FAM199X: variants seen among roughly 807,000 people sequenced by gnomAD.
The protein encoded by FAM199X is family with sequence similarity 199, X-linked, also known as protein FAM199X.
A neutral mutation model predicts 22.9 loss-of-function variants in FAM199X; 4 were observed. The ratio of observed to expected loss-of-function variants is 0.17; its 90% CI spans 0.09 to 0.40. The LOEUF (loss-of-function observed/expected upper bound fraction) is 0.40, where lower values mean the gene tolerates loss of function less well. FAM199X is among the 10% of genes least tolerant of loss of function. The pLI is 1.00. For missense variants in FAM199X, 183 were observed against 306.8 expected (o/e 0.60, Z 3.01); for synonymous variants, 101 against 112.3 (o/e 0.90, Z 0.64).
rs1922022469 is a variant in FAM199X, at chrX:104,194,943, T to C, written c.*5165T>C. The C allele has an allele frequency of 9.1e-6, 1 of 110,432 alleles. No individual in the cohort carries two copies. Among genetic ancestry groups the C allele is most frequent in the Non-Finnish European group, 1.9e-5 (1 of 52,791 alleles). 9.1% of individuals were successfully genotyped at this position (110,432 alleles called of 1,213,427 possible). On this transcript the variant is annotated 3_prime_UTR_variant, in exon 6 of 6. Transcript: ENST00000493442. ...CTATATTAATGCACTTTTGTATATA[T>C]AACTGTCTTCTGTACATTCTGTACT...
At chrX:104,168,534 G>C (rs2147888605) in intron 1 of FAM199X, among the ~76,000 whole-genome samples, 1 of 112,072 alleles carries the variant, frequency 8.9e-6, no homozygotes, top group East Asian at 2.8e-4. Flanking sequence ...TACATATTTG[G>C]CATTTAAGTT....
chrX:104,190,128 A>G lies in FAM199X; in HGVS notation c.*350A>G, dbSNP rs1176703398. ...GACTGTTTAAAGTTTATGGCGGTGA[A>G]GTGGGCGTCTTCAAAGACTAGTACT... On this transcript the variant is annotated 3_prime_UTR_variant, in exon 6 of 6. Coordinates refer to ENST00000493442, the MANE Select transcript of FAM199X (RefSeq NM_207318.4). 2 of 161,023 alleles carry G rather than the reference A, an allele frequency of 1.2e-5. No homozygotes were observed. Among genetic ancestry groups the G allele is most frequent in the African/African-American group, 6.2e-5 (2 of 32,175 alleles). 13.3% of individuals were successfully genotyped at this position (161,023 alleles called of 1,213,427 possible). A position where few individuals can be genotyped will look rare whatever the true frequency, so the allele number is the denominator to read the frequency against.
chrX:104,170,838 G>A (rs1336674646), intron 1 of FAM199X, among the ~76,000 whole-genome samples: 2 of 111,397 alleles, frequency 1.8e-5, no homozygotes, highest in Non-Finnish European at 3.8e-5. Context: ...GAGGAAAGTA[G>A]GGAACTTAAG....
the FAM199X span, among the ~76,000 whole-genome samples, chrX:104,161,439 G>T: frequency 8.9e-6 from 1 of 112,264 alleles, no homozygotes; most frequent in Non-Finnish European, 1.9e-5. Flanking sequence ...CAAAGGTTTG[G>T]TAAGAGCAAT....
intron 2 of FAM199X, among the ~76,000 whole-genome samples, chrX:104,185,591 A>G (rs1183215075): frequency 8.9e-6 from 1 of 111,734 alleles, no homozygotes; most frequent in Non-Finnish European, 1.9e-5. Flanking sequence ...CTCTGATTCT[A>G]TATTTGCCAT....
chrX:104,190,290 A>G lies in FAM199X; in HGVS notation c.*512A>G, dbSNP rs1450149392. The G allele has an allele frequency of 3.6e-5, 4 of 112,591 alleles. No individual in the cohort carries two copies. The highest frequency in any genetic ancestry group is 1.3e-4 in the African/African-American group (4 of 30,836). The allele number at this position is 112,591 out of a possible 1,213,427, so 9.3% of individuals were successfully genotyped here. On this transcript the variant is annotated 3_prime_UTR_variant, in exon 6 of 6. Transcript: ENST00000493442. Reference sequence around the variant, plus strand: ...TTTACTTTTCCTAAAGGGCCATAGCATAATTCTTGATTCCTGGTGGAAATC... The same window carrying G: ...TTTACTTTTCCTAAAGGGCCATAGCGTAATTCTTGATTCCTGGTGGAAATC...
chrX:104,181,162 A>G (rs1921642582), intron 2 of FAM199X, among the ~76,000 whole-genome samples: 1 of 112,822 alleles, frequency 8.9e-6, no homozygotes. Context: ...TGTTACAGAA[A>G]TGAGCTTACT....
rs1459368798 is a variant in FAM199X at position 104,190,385 on chromosome X, C to G, written c.*607C>G. Reference sequence around the variant, plus strand: ...GATAGTGCCTTCATTAGTTTTAGTTCTGTCTGTTTTCATTCATTATTGACT... The same window carrying G: ...GATAGTGCCTTCATTAGTTTTAGTTGTGTCTGTTTTCATTCATTATTGACT... On this transcript the variant is annotated 3_prime_UTR_variant, in exon 6 of 6. Transcript: ENST00000493442. The G allele has an allele frequency of 3.6e-5, 4 of 111,704 alleles. No individual in the cohort carries two copies. The highest frequency in any genetic ancestry group is 7.5e-5 in the Non-Finnish European group (4 of 53,217). The allele number at this position is 111,704 out of a possible 1,213,427, so 9.2% of individuals were successfully genotyped here. A position where few individuals can be genotyped will look rare whatever the true frequency, so the allele number is the denominator to read the frequency against.
chrX:104,180,968 A>G (rs1479742638), intron 2 of FAM199X, among the ~76,000 whole-genome samples: 8 of 112,355 alleles, frequency 7.1e-5, no homozygotes, highest in Middle Eastern at 4.2e-3. Context: ...GCATCTTTGC[A>G]TTTTGCTTTG....
intron 2 of FAM199X, among the ~76,000 whole-genome samples, chrX:104,181,837 A>G (rs1281824344): frequency 9.0e-6 from 1 of 111,135 alleles, no homozygotes; most frequent in Non-Finnish European, 1.9e-5. Context: ...TTACCTTGCT[A>G]TGAAAATTGA....
At chrX:104,171,583 A>G (rs1921354406) in intron 1 of FAM199X, among the ~76,000 whole-genome samples, 1 of 112,133 alleles carries the variant, frequency 8.9e-6, no homozygotes, top group South Asian at 3.6e-4. Flanking sequence ...CATATAAAAA[A>G]CTATAGACCA....
At chrX:104,167,970 A>G (rs1921256709) in intron 1 of FAM199X, among the ~76,000 whole-genome samples, 1 of 111,634 alleles carries the variant, frequency 9.0e-6, no homozygotes, top group Non-Finnish European at 1.9e-5. Context: ...TAAGAAATCT[A>G]GTTCTGACTT....
At chrX:104,178,762 A>G (rs1170058426) in intron 2 of FAM199X, among the ~76,000 whole-genome samples, 1 of 111,877 alleles carries the variant, frequency 8.9e-6, no homozygotes, top group South Asian at 3.7e-4. Context: ...CCTTAACGCT[A>G]GTACCACACT....
chrX:104,193,633 C>A lies in FAM199X; in HGVS notation c.*3855C>A, dbSNP rs1556380950. On this transcript the variant is annotated 3_prime_UTR_variant, in exon 6 of 6. Transcript: ENST00000493442. Reference sequence around the variant, plus strand: ...AGTTTGGGACAATTAATAGGAAAATCCCCAGTTGCATTCAAATAATAGTGT... The same window carrying A: ...AGTTTGGGACAATTAATAGGAAAATACCCAGTTGCATTCAAATAATAGTGT... The A allele has an allele frequency of 2.7e-5, 3 of 111,577 alleles. No homozygotes were observed. Among genetic ancestry groups the A allele is most frequent in the Non-Finnish European group, 5.7e-5 (3 of 52,942 alleles). 9.2% of individuals were successfully genotyped at this position (111,577 alleles called of 1,213,427 possible). A position where few individuals can be genotyped will look rare whatever the true frequency, so the allele number is the denominator to read the frequency against.
intron 2 of FAM199X, among the ~76,000 whole-genome samples, chrX:104,178,119 A>T (rs1357802804): frequency 3.6e-5 from 4 of 111,713 alleles, no homozygotes; most frequent in Non-Finnish European, 7.5e-5. Context: ...TATGATATGT[A>T]AGATAGGAGT....
chrX:104,160,212 A>C, the FAM199X span, among the ~76,000 whole-genome samples: 1 of 112,179 alleles, frequency 8.9e-6, no homozygotes, highest in African/African-American at 3.2e-5. Context: ...TTAAGATGTA[A>C]CTGGATAAGA....
At chrX:104,181,160 A>T (rs1468749820) in intron 2 of FAM199X, among the ~76,000 whole-genome samples, 1 of 112,809 alleles carries the variant, frequency 8.9e-6, no homozygotes, top group African/African-American at 3.2e-5. Context: ...GCTGTTACAG[A>T]AATGAGCTTA....
At chrX:104,163,667 G>A (rs1166609445), upstream of FAM199X, among the ~76,000 whole-genome samples, 1 of 108,981 alleles carries the variant, frequency 9.2e-6, no homozygotes, top group African/African-American at 3.3e-5. Context: ...ATTTCTCACT[G>A]AGAAATATAT....
the FAM199X span, among the ~76,000 whole-genome samples, chrX:104,157,296 A>T: frequency 8.9e-6 from 1 of 111,895 alleles, no homozygotes; most frequent in East Asian, 2.8e-4. Flanking sequence ...AAGCTGCTAG[A>T]CCAACCCAAA....
Sources: gnomAD v4.1 joint callset for allele counts (sites outside exome capture counted in the v4.1 genomes callset) on GRCh38, gnomAD v4.1.1 for gene constraint, MANE v1.5 for transcripts, NCBI Gene and HGNC (gene_info 2026-07-23, HGNC 2026-07-21) for gene names.